Variants in SMYD3 observed in about 807,000 individuals in gnomAD.
SMYD3 encodes SET and MYND domain containing 3, also known as histone-lysine N-methyltransferase SMYD3.
Under a neutral mutation model 57.7 loss-of-function variants are expected in SMYD3, and 36 were observed. The ratio of observed to expected loss-of-function variants is 0.62; its 90% CI spans 0.48 to 0.82. The LOEUF is 0.82. Ranked by LOEUF, SMYD3 falls within the 40% of genes least tolerant of loss-of-function variation. The probability of loss-of-function intolerance (pLI) is 0.00; values close to 1 mark genes in which losing one functional copy is unlikely to be tolerated. For missense variants in SMYD3, 515 were observed against 538.8 expected (o/e 0.96, Z 0.44); for synonymous variants, 211 against 195.0 (o/e 1.08, Z -0.68).
At chr1:246,103,350 T>C (rs1032977893) in intron 5 of SMYD3, among the ~76,000 whole-genome samples, 7 of 152,162 alleles carry the variant, frequency 4.6e-5, no homozygotes, top group African/African-American at 1.7e-4. Context: ...TCGAGAGTGA[T>C]GCTTCTCTCT....
intron 8 of SMYD3, among the ~76,000 whole-genome samples, chr1:245,879,712 T>G (rs973594914): frequency 1.3e-5 from 2 of 152,172 alleles, no homozygotes; most frequent in Non-Finnish European, 2.9e-5. Context: ...AATATGGTCA[T>G]GAAACTATTC....
intron 1 of SMYD3, among the ~76,000 whole-genome samples, chr1:246,444,732 C>A (rs757172198): frequency 6.6e-6 from 1 of 151,998 alleles, no homozygotes; most frequent in Non-Finnish European, 1.5e-5. Flanking sequence ...ATATATACAC[C>A]CACTTTAAAG....
At chr1:245,793,758 T>C (rs1355736001) in intron 10 of SMYD3, among the ~76,000 whole-genome samples, 1 of 152,192 alleles carries the variant, frequency 6.6e-6, no homozygotes, top group Admixed American at 6.5e-5. Flanking sequence ...TAGGCTAACG[T>C]GCAAATCCCT....
chr1:246,308,950 C>T (rs778295821), intron 5 of SMYD3, among the ~76,000 whole-genome samples: 63 of 152,002 alleles, frequency 4.1e-4, no homozygotes, highest in Middle Eastern at 6.8e-3. Context: ...TACTTATGTG[C>T]CTAAGATAGT....
intron 5 of SMYD3, among the ~76,000 whole-genome samples, chr1:245,967,103 T>C (rs1362395792): frequency 6.6e-6 from 1 of 152,202 alleles, no homozygotes; most frequent in Non-Finnish European, 1.5e-5. Context: ...CCATTCCTCA[T>C]TCTCCTTGCC....
intron 1 of SMYD3, among the ~76,000 whole-genome samples, chr1:246,453,001 T>C (rs1374161588): frequency 6.6e-6 from 1 of 152,260 alleles, no homozygotes; most frequent in Non-Finnish European, 1.5e-5. Flanking sequence ...AAAAATCTTA[T>C]GTGAGTTTTA....
At chr1:245,780,468 C>T (rs914014499) in intron 10 of SMYD3, among the ~76,000 whole-genome samples, 8 of 152,050 alleles carry the variant, frequency 5.3e-5, no homozygotes, top group African/African-American at 1.4e-4. Flanking sequence ...TGGTATATGA[C>T]AAATCCCGAA....
At chr1:245,793,645 GCCC>G (rs933059392) in intron 10 of SMYD3, among the ~76,000 whole-genome samples, 4 of 136,530 alleles carry the variant, frequency 2.9e-5, no homozygotes, top group Admixed American at 2.8e-4. Context: ...TCTGCCCAGT[GCCC>G]CCCCAACTGC....
At chr1:246,053,926 T>C (rs1035658925) in intron 5 of SMYD3, among the ~76,000 whole-genome samples, 1 of 152,122 alleles carries the variant, frequency 6.6e-6, no homozygotes, top group Non-Finnish European at 1.5e-5. Context: ...ATTGATCAAA[T>C]GAACTTTATT....
intron 1 of SMYD3, 57 bp downstream of exon 1, chr1:246,506,997 C>CCA: frequency 3.2e-6 from 1 of 308,906 alleles, no homozygotes; most frequent in Non-Finnish European, 4.7e-6. Flanking sequence ...ACGCCCCCCC[C>CCA]TCCCCAGCAC....
At chr1:246,005,407 T>C (rs1220652077) in intron 5 of SMYD3, among the ~76,000 whole-genome samples, 1 of 152,236 alleles carries the variant, frequency 6.6e-6, no homozygotes, top group Non-Finnish European at 1.5e-5. Context: ...TGATTTTCAA[T>C]CCTGGTTTCT....
intron 1 of SMYD3, among the ~76,000 whole-genome samples, chr1:246,425,251 G>T (rs564632227): frequency 1.1e-4 from 16 of 152,078 alleles, no homozygotes; most frequent in South Asian, 4.2e-4. Flanking sequence ...ACCAGAAACC[G>T]CAAAGTTACC....
intron 7 of SMYD3, among the ~76,000 whole-genome samples, chr1:245,921,899 G>T (rs1035947650): frequency 6.6e-6 from 1 of 152,040 alleles, no homozygotes; most frequent in African/African-American, 2.4e-5. Context: ...CTACCAGGGT[G>T]ATGGGATTCA....
At chr1:246,272,932 G>T (rs1430424178) in intron 5 of SMYD3, among the ~76,000 whole-genome samples, 1 of 152,078 alleles carries the variant, frequency 6.6e-6, no homozygotes. Flanking sequence ...TCTCTGTTGA[G>T]AGATTATTGA....
chr1:246,327,251 C>A lies in SMYD3; in HGVS notation c.481G>T (p.Asp161Tyr). The A allele has an allele frequency of 6.2e-7, 1 of 1,614,098 alleles. No individual in the cohort carries two copies. Among genetic ancestry groups the A allele is most frequent in the Non-Finnish European group, 8.5e-7 (1 of 1,179,972 alleles). The change falls in exon 5 of 12, where the codon GAT becomes TAT. Residue 161 changes from aspartate (D) to tyrosine (Y), a missense_variant. Coordinates refer to ENST00000490107, the MANE Select transcript of SMYD3 (RefSeq NM_001167740.2). ...AAGGCAGGTGGCAGCTGAGAGGCAT[C>A]CTGTATTTCTTCTCTCATGAAATGT... ...FQHFMREEIQ[D>Y]ASQLPPAFDL...
At chr1:246,168,903 C>G (rs2062271288) in intron 5 of SMYD3, among the ~76,000 whole-genome samples, 1 of 152,186 alleles carries the variant, frequency 6.6e-6, no homozygotes, top group Non-Finnish European at 1.5e-5. Flanking sequence ...TGTTCCAGTT[C>G]TATCCCATAC....
chr1:246,340,847 T>C (rs761968952), intron 2 of SMYD3, among the ~76,000 whole-genome samples: 2 of 152,150 alleles, frequency 1.3e-5, no homozygotes, highest in Admixed American at 1.3e-4. Context: ...GGCATGCACC[T>C]GTATTCCCAG....
At chr1:246,327,358 A>T (rs2065373664) in intron 4 of SMYD3, 21 bp from the exon 5 acceptor site, 1 of 1,599,028 alleles carries the variant, frequency 6.3e-7, no homozygotes, top group African/African-American at 1.4e-5. Flanking sequence ...GAGAAAATAA[A>T]TAGCACAATC....
chr1:245,793,472 G>A (rs1374393593), intron 10 of SMYD3, among the ~76,000 whole-genome samples: 1 of 152,036 alleles, frequency 6.6e-6, no homozygotes, highest in African/African-American at 2.4e-5. Context: ...TACTGCCAAG[G>A]CTCCGGCTTG....
Sources: allele counts gnomAD v4.1 joint callset (sites outside exome capture counted in the v4.1 genomes callset), GRCh38; gene constraint gnomAD v4.1.1; transcripts MANE v1.5; gene names NCBI Gene and HGNC (gene_info 2026-07-23, HGNC 2026-07-21).